The following CAD variants were observed in gnomAD, a reference collection of about 807,000 sequenced individuals.
CAD encodes the protein multifunctional protein CAD.
CAD carries 81 observed loss-of-function variants against 237.2 expected under a neutral mutation model. That is an observed-to-expected ratio of 0.34 (90% CI 0.29 to 0.41). The LOEUF (loss-of-function observed/expected upper bound fraction) is 0.41, where lower values mean the gene tolerates loss of function less well. Ranked by LOEUF, CAD falls within the 10% of genes least tolerant of loss-of-function variation. The pLI is 1.00. For synonymous variants in CAD, 1,196 were observed against 1,162.8 expected (o/e 1.03, Z -0.58); for missense variants, 2,181 against 2,951.7 (o/e 0.74, Z 6.05).
chr2:27,238,334 A>G (rs1225320727), intron 30 of CAD, 97 bp from the exon 31 acceptor site: 9 of 1,458,336 alleles, frequency 6.2e-6, no homozygotes, highest in Admixed American at 6.0e-5. Flanking sequence ...GCAGGTCTAC[A>G]TCATCATTTT....
rs2148086582 is a variant in CAD at position 27,237,359 on chromosome 2, C to T, written c.4397-20C>T. 2 of 1,612,326 alleles carry T rather than the reference C, an allele frequency of 1.2e-6. No homozygotes were observed. Among genetic ancestry groups the T allele is most frequent in the African/African-American group, 2.7e-5 (2 of 75,018 alleles). On this transcript the variant is annotated intron_variant, in intron 27 of 43. Coordinates refer to ENST00000264705, the MANE Select transcript of CAD (RefSeq NM_004341.5). This position sits in a 1 kb window ranked among gnomAD's most constrained non-coding sequence, Gnocchi z 4.0. ...ATTTCTGAATCTTCCTGTAATCTTG[C>T]TGCTTCCATTTTCTCCCAGGATTGA...
chr2:27,242,481 G>T lies in CAD; in HGVS notation c.6222+54G>T. On this transcript the variant is annotated intron_variant, in intron 40 of 43. Transcript: ENST00000264705. The surrounding 1 kb of genome is among the most constrained non-coding windows in gnomAD (Gnocchi z 6.4). ...TGCCAGGGGACGATCTAGAGAGGGAGGCAGGAAGTGGTTACCCCGGTACAG... is the reference window on the plus strand; with the variant it reads ...TGCCAGGGGACGATCTAGAGAGGGATGCAGGAAGTGGTTACCCCGGTACAG... The T allele has an allele frequency of 1.3e-6, 2 of 1,593,540 alleles. No individual in the cohort carries two copies. Among genetic ancestry groups the T allele is most frequent in the Non-Finnish European group, 1.7e-6 (2 of 1,166,874 alleles).
intron 30 of CAD, 23 bp downstream of exon 30, chr2:27,238,210 G>C (rs1286840851): frequency 6.2e-7 from 1 of 1,611,980 alleles, no homozygotes; most frequent in Non-Finnish European, 8.5e-7. Context: ...CTGAGATCCT[G>C]CTGTCCCTGT....
In CAD at chr2:27,237,682, G is replaced by A. The variant is rs1017426075; in HGVS notation, c.4564-36G>A. On this transcript the variant is annotated intron_variant, in intron 28 of 43. Coordinates refer to ENST00000264705, the MANE Select transcript of CAD (RefSeq NM_004341.5). This position sits in a 1 kb window ranked among gnomAD's most constrained non-coding sequence, Gnocchi z 4.0. The stretch of plus-strand genomic sequence containing the variant: ...GCCAGGCTAGCCTGTGTGGGCATGG[G>A]TGCCAGTGAGCCTTACCTCTGTGTA... 2 of 1,593,898 alleles carry A rather than the reference G, an allele frequency of 1.3e-6. No individual in the cohort carries two copies. The highest frequency in any genetic ancestry group is 1.3e-5 in the African/African-American group (1 of 74,610).
chr2:27,232,925 C>T lies in CAD; in HGVS notation c.2893-117C>T. ...AGGCAGGGGTCCTGTACAGCTCTTT[C>T]AGAGGAAGCTGTGCTGGCAGTCTCT... On this transcript the variant is annotated intron_variant, in intron 18 of 43. Transcript: ENST00000264705. The surrounding 1 kb of genome is among the most constrained non-coding windows in gnomAD (Gnocchi z 4.1). 1 of 832,616 alleles carries T rather than the reference C, an allele frequency of 1.2e-6. No individual in the cohort carries two copies. Among genetic ancestry groups the T allele is most frequent in the Non-Finnish European group, 2.0e-6 (1 of 495,150 alleles). 51.6% of individuals were successfully genotyped at this position (832,616 alleles called of 1,614,324 possible).
At position 27,240,946 on chromosome 2, in the gene CAD, G is replaced by T; in HGVS notation, c.5629G>T (p.Ala1877Ser). The T allele has an allele frequency of 1.2e-6, 2 of 1,614,116 alleles. No homozygotes were observed. The highest frequency in any genetic ancestry group is 1.7e-6 in the Non-Finnish European group (2 of 1,180,014). ...EPKEKSSRKV[A>S]EPELMGTPDG... is the part of the protein sequence containing the mutation. ...AAAGGAGAAGTCCTCTCGGAAGGTA[G>T]CCGAGCCAGGTGAGACTCCACCCTG... The change falls in exon 36 of 44, where the codon GCC (alanine) becomes TCC (serine). Residue 1877 changes from alanine (A) to serine (S), a missense_variant. Transcript: ENST00000264705. This position sits in a 1 kb window ranked among gnomAD's most constrained non-coding sequence, Gnocchi z 4.6.
intron 15 of CAD, among the ~76,000 whole-genome samples, chr2:27,227,884 G>T (rs948817623): frequency 1.3e-5 from 2 of 152,238 alleles, no homozygotes; most frequent in African/African-American, 4.8e-5. Flanking sequence ...GCCTTACAGA[G>T]ATTGATTAAT....
intron 3 of CAD, among the ~76,000 whole-genome samples, chr2:27,221,753 A>ATTTTTTTTTTTT (rs57429918): frequency 2.9e-5 from 3 of 103,514 alleles, no homozygotes; most frequent in Middle Eastern, 5.4e-3. Flanking sequence ...AAATTTCCCA[A>ATTTTTTTTTTTT]TTTTTTTTTT....
rs1389060369 is a variant in CAD, at chr2:27,236,943, C to T, written c.4396+113C>T. ...CACTCTTTGTCCTGGACTGCACAGA[C>T]TGTGAAGACCCCAGAATGTTTCTCA... On this transcript the variant is annotated intron_variant, in intron 27 of 43. Coordinates refer to ENST00000264705, the MANE Select transcript of CAD (RefSeq NM_004341.5). This position sits in a 1 kb window ranked among gnomAD's most constrained non-coding sequence, Gnocchi z 4.1. 2.4e-6 allele frequency: 2 copies of T among 835,698 alleles called. No individual in the cohort carries two copies. The highest frequency in any genetic ancestry group is 3.3e-5 in the African/African-American group (2 of 59,844). 51.8% of individuals were successfully genotyped at this position (835,698 alleles called of 1,614,324 possible).
In CAD at chr2:27,225,762, C is replaced by G; in HGVS notation, c.1678C>G (p.Leu560Val). Residue 560 changes from leucine (L) to valine (V), a missense_variant, in exon 12 of 44, where the codon CTG becomes GTG. Leu to Val is a conservative substitution (Grantham distance 32, BLOSUM62 1). Coordinates refer to ENST00000264705, the MANE Select transcript of CAD (RefSeq NM_004341.5). ...TGTGCTAGTGCGTGCAGCCTTTGCC[C>G]TGGGTGGCCTGGGCTCTGGCTTTGC... ...YPVLVRAAFALGGLGSGFASN... is the reference protein window; with the variant it reads ...YPVLVRAAFAVGGLGSGFASN... 6.2e-7 allele frequency: 1 copy of G among 1,614,240 alleles called. No homozygotes were observed.
At position 27,241,611 on chromosome 2, in the gene CAD, G is replaced by A. The variant is rs550984745; in HGVS notation, c.5883+215G>A. Among the ~76,000 whole-genome samples, 4 of 152,204 alleles carry A rather than the reference G, an allele frequency of 2.6e-5. No individual in the cohort carries two copies. The highest frequency in any genetic ancestry group is 5.9e-5 in the Non-Finnish European group (4 of 68,022). ...GGGAGGCCCTGAGCATGAGACCATC[G>A]CCCCACTAGTGGGGTCTTCTGGTCT... On this transcript the variant is annotated intron_variant, in intron 38 of 43. Coordinates refer to ENST00000264705, the MANE Select transcript of CAD (RefSeq NM_004341.5). This position sits in a 1 kb window ranked among gnomAD's most constrained non-coding sequence, Gnocchi z 4.6.
chr2:27,222,985 C>A lies in CAD; in HGVS notation c.757C>A (p.Leu253Met). The A allele has an allele frequency of 6.2e-7, 1 of 1,614,154 alleles. No homozygotes were observed. Among genetic ancestry groups the A allele is most frequent in the Non-Finnish European group, 8.5e-7 (1 of 1,180,028 alleles). The stretch of plus-strand genomic sequence containing the variant: ...TCCCCGACCTGTCTTTGGGATCTGC[C>A]TGGGACACCAGCTATTGGCCTTAGC... ...PNPRPVFGIC[L>M]GHQLLALAIG... The change falls in exon 6 of 44, where the codon CTG becomes ATG. Residue 253 changes from leucine to methionine, a missense_variant. Physicochemically the swap from Leu to Met is conservative, Grantham distance 15. Transcript: ENST00000264705.
At position 27,235,873 on chromosome 2, in the gene CAD, CA is replaced by C. The variant is rs768042691; in HGVS notation, c.4074+247del. The C allele has an allele frequency of 0.082, 26,934 of 328,062 alleles. No individual in the cohort carries two copies. Among genetic ancestry groups the C allele is most frequent in the Middle Eastern group, 0.12 (132 of 1,146 alleles). The allele number at this position is 328,062 out of a possible 1,614,324, so 20.3% of individuals were successfully genotyped here. A position where few individuals can be genotyped will look rare whatever the true frequency, so the allele number is the denominator to read the frequency against. On this transcript the variant is annotated intron_variant, in intron 25 of 43. Transcript: ENST00000264705. This position sits in a 1 kb window ranked among gnomAD's most constrained non-coding sequence, Gnocchi z 5.2. ...CTTGGGAAACAGTGAGATGCTGTCT[CA>C]AAAAAAAAAAAAACAAAGAATTATC...
rs979406362 is a variant in CAD at position 27,236,582 on chromosome 2, G to A, written c.4314+59G>A. 2 of 1,598,668 alleles carry A rather than the reference G, an allele frequency of 1.3e-6. No individual in the cohort carries two copies. The highest frequency in any genetic ancestry group is 1.1e-5 in the South Asian group (1 of 90,554). ...CCAGTGTTGATGGGAAGAAGAAAGA[G>A]GGAGGAGTGAGTATGGAACAGCCAT... On this transcript the variant is annotated intron_variant, in intron 26 of 43. Transcript: ENST00000264705. This position sits in a 1 kb window ranked among gnomAD's most constrained non-coding sequence, Gnocchi z 4.1.
intron 13 of CAD, 25 bp downstream of exon 13, chr2:27,226,344 T>G (rs371619010): frequency 6.2e-7 from 1 of 1,608,722 alleles, no homozygotes; most frequent in African/African-American, 1.3e-5. Flanking sequence ...CTGGAACTGA[T>G]AGTCTAGTTG....
rs1354347009 is a variant in CAD at position 27,232,427 on chromosome 2, C to T, written c.2646-21C>T. ...TACCCTACTCTCTGGGCCTGTGTTT[C>T]AGACCCTTTTTCTATTTTAGCACAG... On this transcript the variant is annotated intron_variant, in intron 17 of 43. Coordinates refer to ENST00000264705, the MANE Select transcript of CAD (RefSeq NM_004341.5). The surrounding 1 kb of genome is among the most constrained non-coding windows in gnomAD (Gnocchi z 4.1). 6.2e-7 allele frequency: 1 copy of T among 1,613,868 alleles called. No individual in the cohort carries two copies. Among genetic ancestry groups the T allele is most frequent in the South Asian group, 1.1e-5 (1 of 90,964 alleles).
In CAD at chr2:27,232,621, C is replaced by G; in HGVS notation, c.2819C>G (p.Ser940Cys). The G allele has an allele frequency of 2.5e-6, 4 of 1,614,222 alleles. No individual in the cohort carries two copies. Among genetic ancestry groups the G allele is most frequent in the Non-Finnish European group, 3.4e-6 (4 of 1,180,042 alleles). Residue 940 changes from serine (S) to cysteine (C), a missense_variant, in exon 18 of 44, where the codon TCT (serine) becomes TGT (cysteine). Ser to Cys is a moderately radical substitution (Grantham distance 112). Coordinates refer to ENST00000264705, the MANE Select transcript of CAD (RefSeq NM_004341.5). The surrounding 1 kb of genome is among the most constrained non-coding windows in gnomAD (Gnocchi z 4.1). Reference protein sequence around the residue: ...FRTPHVLVLGSGVYRIGSSVE... With the variant: ...FRTPHVLVLGCGVYRIGSSVE... ...ACACCTCATGTCCTAGTCCTTGGCT[C>G]TGGCGTCTACCGTATTGGCTCTAGC...
Position 27,222,315 on chromosome 2 carries a change from G to A in CAD, c.474G>A (p.Leu158=). The change falls in exon 4 of 44, where the codon CTG becomes CTA. Residue 158 remains leucine, a synonymous_variant. Transcript: ENST00000264705. ...TCTTGGACCCCAATGCCCGCCCCCT[G>A]GTACCAGAGGTCTCCATTAAGGTAC... ...LPFLDPNARP[L]VPEVSIKTPR... is the part of the protein sequence containing the mutation. 3.7e-6 allele frequency: 6 copies of A among 1,612,448 alleles called. No individual in the cohort carries two copies. The East Asian group carries it at 1.3e-4, about 36-fold the overall frequency.
At position 27,239,589 on chromosome 2, in the gene CAD, G is replaced by A; in HGVS notation, c.5395-108G>A. 3.3e-6 allele frequency: 5 copies of A among 1,502,976 alleles called. No individual in the cohort carries two copies. The highest frequency in any genetic ancestry group is 1.2e-5 in the South Asian group (1 of 82,302). The allele number at this position is 1,502,976 out of a possible 1,614,324, so 93.1% of individuals were successfully genotyped here. On this transcript the variant is annotated intron_variant, in intron 33 of 43. Coordinates refer to ENST00000264705, the MANE Select transcript of CAD (RefSeq NM_004341.5). The surrounding 1 kb of genome is among the most constrained non-coding windows in gnomAD (Gnocchi z 4.0). The stretch of plus-strand genomic sequence containing the variant: ...TGTGCACCACTGCCCTGGACCAGGG[G>A]TTGGGGGCACAGCTCCCCCAAGGTG...
Sources: gnomAD v4.1 joint callset for allele counts (sites outside exome capture counted in the v4.1 genomes callset) on GRCh38, gnomAD v4.1.1 for gene constraint, Gnocchi (gnomAD v3.1) non-coding constraint, MANE v1.5 for transcripts, NCBI Gene and HGNC (gene_info 2026-07-23, HGNC 2026-07-21) for gene names.